Variants in FCRL5 observed in about 807,000 individuals in gnomAD.
FCRL5 encodes the protein Fc receptor like 5, also known as Fc receptor-like protein 5.
In FCRL5, 79 loss-of-function variants were observed where a neutral mutation model predicts 92.1. That is an observed-to-expected ratio of 0.86 (90% CI 0.72 to 1.03). The LOEUF is 1.03. Among genes scored for constraint, FCRL5 ranks in the 50% least tolerant of loss-of-function variants. FCRL5 has a pLI of 0.00. For synonymous variants in FCRL5, 466 were observed against 469.3 expected, an observed-to-expected ratio of 0.99 and a Z score of 0.09; for missense variants, 1,160 against 1,181.1, an observed-to-expected ratio of 0.98 and a Z score of 0.26.
At chr1:157,549,504 T>C (rs1651713979) in intron 2 of FCRL5, 56 bp downstream of exon 2, 4 of 1,515,774 alleles carry the variant, frequency 2.6e-6, no homozygotes, top group South Asian at 1.2e-5. Context: ...TTCTATTTAT[T>C]AGGAAGAGAC....
At chr1:157,539,899 C>T (rs1296627505) in intron 6 of FCRL5, among the ~76,000 whole-genome samples, 1 of 152,196 alleles carries the variant, frequency 6.6e-6, no homozygotes, top group African/African-American at 2.4e-5. Context: ...TTTACACATA[C>T]TTTTAAAAAA....
rs750474659 is a variant in FCRL5 at position 157,515,826 on chromosome 1, A to C, written c.2844+16T>G. On this transcript the variant is annotated intron_variant, in intron 16 of 16. Coordinates refer to ENST00000361835, the MANE Select transcript of FCRL5 (RefSeq NM_031281.3). Reference sequence around the variant, plus strand: ...GGCCTGGGGGTGGGGGAGGGCATGCAGAAGGGGAGACTCACCTTGTTCCTG... The same window carrying C: ...GGCCTGGGGGTGGGGGAGGGCATGCCGAAGGGGAGACTCACCTTGTTCCTG... 8.1e-6 allele frequency: 13 copies of C among 1,614,106 alleles called. No individual in the cohort carries two copies. Among genetic ancestry groups the C allele is most frequent in the Non-Finnish European group, 1.1e-5 (13 of 1,180,002 alleles).
Position 157,515,546 on chromosome 1 carries a change from G to A in FCRL5, c.*129C>T, listed in dbSNP as rs2101586809. On this transcript the variant is annotated 3_prime_UTR_variant, in exon 17 of 17. Coordinates refer to ENST00000361835, the MANE Select transcript of FCRL5 (RefSeq NM_031281.3). ...GCATTCTGGTCAGACTGAGAATGAGGACATGTGAAACAAAGGCCAGTAGAT... is the reference window on the plus strand; with the variant it reads ...GCATTCTGGTCAGACTGAGAATGAGAACATGTGAAACAAAGGCCAGTAGAT... 1.1e-5 allele frequency: 18 copies of A among 1,590,182 alleles called. No homozygotes were observed. Among genetic ancestry groups the A allele is most frequent in the Non-Finnish European group, 1.5e-5 (17 of 1,162,040 alleles).
intron 5 of FCRL5, among the ~76,000 whole-genome samples, chr1:157,543,621 C>A (rs925886923): frequency 2.8e-4 from 43 of 152,146 alleles, no homozygotes; most frequent in African/African-American, 1.0e-3. Flanking sequence ...CACATTGCCT[C>A]CTTATAAGTG....
chr1:157,543,723 G>T (rs1416897160), intron 5 of FCRL5, among the ~76,000 whole-genome samples: 5 of 152,184 alleles, frequency 3.3e-5, no homozygotes, highest in Non-Finnish European at 7.3e-5. Context: ...TAGCTTTGAA[G>T]GAAGGATGGT....
At chr1:157,536,679 T>C (rs899271247) in intron 7 of FCRL5, among the ~76,000 whole-genome samples, 1 of 152,220 alleles carries the variant, frequency 6.6e-6, no homozygotes, top group Non-Finnish European at 1.5e-5. Flanking sequence ...TATGGTTCAG[T>C]CATCAAGAAC....
rs1651866206 is a variant in FCRL5, at chr1:157,552,469, A to C, written c.-107T>G. 1 of 1,133,846 alleles carries C rather than the reference A, an allele frequency of 8.8e-7. No homozygotes were observed. Among genetic ancestry groups the C allele is most frequent in the African/African-American group, 1.5e-5 (1 of 65,574 alleles). 70.2% of individuals were successfully genotyped at this position (1,133,846 alleles called of 1,614,324 possible). On this transcript the variant is annotated 5_prime_UTR_variant, in exon 1 of 17. Transcript: ENST00000361835. ...AGGACACTGCACACCAGCTCCAAGG[A>C]GCACATCTGAGAAGCTGTGCTCTCA...
intron 8 of FCRL5, among the ~76,000 whole-genome samples, chr1:157,530,028 G>A (rs1650625080): frequency 6.6e-6 from 1 of 152,116 alleles, no homozygotes; most frequent in Non-Finnish European, 1.5e-5. Context: ...AATTATCTAA[G>A]TAAAAATAAA....
At chr1:157,537,176 G>C (rs866391813) in intron 7 of FCRL5, among the ~76,000 whole-genome samples, 6 of 152,332 alleles carry the variant, frequency 3.9e-5, no homozygotes, top group African/African-American at 1.4e-4. Flanking sequence ...CCTGTGAGCT[G>C]GGTGGAACAG....
At chr1:157,536,511 C>A (rs1357307749) in intron 7 of FCRL5, among the ~76,000 whole-genome samples, 1 of 152,208 alleles carries the variant, frequency 6.6e-6, no homozygotes, top group Non-Finnish European at 1.5e-5. Context: ...TGACCTGATC[C>A]CCACTGTACT....
intron 8 of FCRL5, among the ~76,000 whole-genome samples, chr1:157,529,229 A>G (rs935700563): frequency 6.6e-6 from 1 of 152,246 alleles, no homozygotes; most frequent in Admixed American, 6.5e-5. Flanking sequence ...AGGAAATTCA[A>G]ATCAAAACCA....
At position 157,518,747 on chromosome 1, in the gene FCRL5, T is replaced by C. The variant is rs1650047889; in HGVS notation, c.2696A>G (p.Tyr899Cys). The change falls in exon 14 of 17, where the codon TAT becomes TGT. Residue 899 changes from tyrosine to cysteine, a missense_variant. Tyr to Cys is a radical substitution (Grantham distance 194). Coordinates refer to ENST00000361835, the MANE Select transcript of FCRL5 (RefSeq NM_031281.3). ...CTCTTCCCAGGCTGGTACATTGTGA[T>C]AGGTGGGCTCTTGGGAGTCCGAGTC... ...PSDSDSQEPT[Y>C]HNVPAWEELQ... The C allele has an allele frequency of 2.5e-6, 4 of 1,613,558 alleles. No homozygotes were observed. The highest frequency in any genetic ancestry group is 1.7e-6 in the Non-Finnish European group (2 of 1,179,904).
intron 9 of FCRL5, 80 bp from the exon 10 acceptor site, chr1:157,524,637 A>G: frequency 6.9e-7 from 1 of 1,451,768 alleles, no homozygotes; most frequent in Middle Eastern, 1.8e-4. Context: ...CAAATGGAAG[A>G]ATGTTTTTCT....
At chr1:157,538,047 A>G (rs1651056308) in intron 7 of FCRL5, among the ~76,000 whole-genome samples, 1 of 152,212 alleles carries the variant, frequency 6.6e-6, no homozygotes, top group Non-Finnish European at 1.5e-5. Context: ...AGGTGTATAT[A>G]TAGAATCAGC....
intron 6 of FCRL5, 48 bp downstream of exon 6, chr1:157,542,811 C>G (rs1218000743): frequency 1.5e-5 from 23 of 1,582,502 alleles, no homozygotes; most frequent in Non-Finnish European, 2.0e-5. Flanking sequence ...CAGGGTGAGG[C>G]AGGACTCTTG....
intron 9 of FCRL5, among the ~76,000 whole-genome samples, chr1:157,526,788 C>G (rs757082967): frequency 5.3e-5 from 8 of 151,842 alleles, no homozygotes; most frequent in Non-Finnish European, 1.0e-4. Flanking sequence ...CTGTTGAGGT[C>G]TGAGAACAAT....
intron 5 of FCRL5, among the ~76,000 whole-genome samples, chr1:157,544,051 GA>G (rs1262491255): frequency 6.6e-6 from 1 of 151,930 alleles, no homozygotes; most frequent in South Asian, 2.1e-4. Flanking sequence ...GGCATTGAAA[GA>G]AAAAAAATTA....
At chr1:157,537,591 C>T (rs181659166) in intron 7 of FCRL5, among the ~76,000 whole-genome samples, 2 of 152,304 alleles carry the variant, frequency 1.3e-5, no homozygotes, top group African/African-American at 2.4e-5. Context: ...AGCATGTGAT[C>T]TCTGTGAGCC....
At chr1:157,516,562 G>T (rs1268869727) in intron 15 of FCRL5, among the ~76,000 whole-genome samples, 3 of 152,034 alleles carry the variant, frequency 2.0e-5, no homozygotes, top group African/African-American at 7.3e-5. Flanking sequence ...AGTGCTACAG[G>T]TATAGTTCTA....
Sources: gnomAD v4.1 joint callset for allele counts (sites outside exome capture counted in the v4.1 genomes callset) on GRCh38, gnomAD v4.1.1 for gene constraint, MANE v1.5 for transcripts, NCBI Gene and HGNC (gene_info 2026-07-23, HGNC 2026-07-21) for gene names.